The following ACOD1 variants were observed in gnomAD, a reference collection of about 807,000 sequenced individuals.
ACOD1 encodes cis-aconitate decarboxylase.
A neutral mutation model predicts 14.2 loss-of-function variants in ACOD1; 14 were observed. The observed-to-expected ratio is 0.99, with a 90% CI of 0.65 to 1.54. The LOEUF is 1.54. ACOD1 is among the 40% of genes most tolerant of loss of function. The pLI, the probability that ACOD1 is intolerant of heterozygous loss-of-function variation, is 0.00. For missense variants in ACOD1, 530 were observed against 586.3 expected, an observed-to-expected ratio of 0.90 and a Z score of 0.99; for synonymous variants, 182 against 221.7, an observed-to-expected ratio of 0.82 and a Z score of 1.59.
Position 76,957,768 on chromosome 13 carries a change from G to T in ACOD1, c.1229G>T (p.Arg410Ile). The T allele has an allele frequency of 6.4e-7, 1 of 1,550,762 alleles. No individual in the cohort carries two copies. The highest frequency in any genetic ancestry group is 8.7e-7 in the Non-Finnish European group (1 of 1,147,030). The change falls in exon 5 of 5, where the codon AGA becomes ATA. Residue 410 changes from arginine (R) to isoleucine (I), a missense_variant. Physicochemically the swap from Arg to Ile is moderately conservative, Grantham distance 97 (BLOSUM62 -3). Coordinates refer to ENST00000377462, the MANE Select transcript of ACOD1 (RefSeq NM_001258406.2). ...DRSDTFYGHWRKPLSQEDLEE... is the reference protein window; with the variant it reads ...DRSDTFYGHWIKPLSQEDLEE... Reference sequence around the variant, plus strand: ...TCTGATACCTTCTATGGGCACTGGAGAAAACCACTGAGCCAGGAGGACCTA... The same window carrying T: ...TCTGATACCTTCTATGGGCACTGGATAAAACCACTGAGCCAGGAGGACCTA...
chr13:76,951,493 C>T (rs1235378918), intron 1 of ACOD1, among the ~76,000 whole-genome samples: 1 of 152,212 alleles, frequency 6.6e-6, no homozygotes, highest in Non-Finnish European at 1.5e-5. Flanking sequence ...GCCTTGGTCT[C>T]CCAAAGTGCT....
At chr13:76,949,825 C>A (rs1034632164) in intron 1 of ACOD1, among the ~76,000 whole-genome samples, 1 of 152,104 alleles carries the variant, frequency 6.6e-6, no homozygotes, top group Non-Finnish European at 1.5e-5. Flanking sequence ...CCCTTTCTTC[C>A]TCTCTCTTTC....
intron 4 of ACOD1, among the ~76,000 whole-genome samples, chr13:76,956,323 T>C (rs2033874929): frequency 6.6e-6 from 1 of 152,104 alleles, no homozygotes; most frequent in Non-Finnish European, 1.5e-5. Context: ...TGCCTCAGCC[T>C]CCCAAGTAGC....
chr13:76,958,030 G>T lies in ACOD1; in HGVS notation c.*45G>T. ...GACTTTGCATTTGGGGAGATTCAAT[G>T]ATTTGGTTTGTAAAGCAAGGGTCTG... On this transcript the variant is annotated 3_prime_UTR_variant, in exon 5 of 5. Coordinates refer to ENST00000377462, the MANE Select transcript of ACOD1 (RefSeq NM_001258406.2). The T allele has an allele frequency of 6.9e-7, 1 of 1,452,400 alleles. No homozygotes were observed. The highest frequency in any genetic ancestry group is 9.0e-7 in the Non-Finnish European group (1 of 1,105,376). The allele number at this position is 1,452,400 out of a possible 1,614,324, so 90.0% of individuals were successfully genotyped here.
At position 76,957,575 on chromosome 13, in the gene ACOD1, G is replaced by T; in HGVS notation, c.1036G>T (p.Gly346Cys). The stretch of plus-strand genomic sequence containing the variant: ...GGCCTGTGCCATGCTGCTTGATGGT[G>T]GCATCACTGTCCCCTCATTCCATGA... ...YVACAMLLDG[G>C]ITVPSFHECQ... Residue 346 changes from glycine to cysteine, a missense_variant, in exon 5 of 5, where the codon GGC becomes TGC. By Grantham distance (159) the Gly-to-Cys change is radical. Transcript: ENST00000377462. 6.4e-7 allele frequency: 1 copy of T among 1,550,612 alleles called. No individual in the cohort carries two copies. The highest frequency in any genetic ancestry group is 1.2e-5 in the South Asian group (1 of 84,066).
At position 76,955,345 on chromosome 13, in the gene ACOD1, G is replaced by A. The variant is rs760444619; in HGVS notation, c.291G>A (p.Thr97=). The A allele has an allele frequency of 1.8e-5, 28 of 1,550,338 alleles. 1 individual carries two copies. In the South Asian group the frequency reaches 2.9e-4, roughly 16 times the overall value. ...VAIHSMDFDD[T]WHPATHPSGA... The stretch of plus-strand genomic sequence containing the variant: ...TTCACTCCATGGATTTTGATGACAC[G>A]TGGCACCCTGCCACCCACCCTTCTG... The change falls in exon 4 of 5, where the codon ACG becomes ACA. Residue 97 remains threonine, a synonymous_variant. Transcript: ENST00000377462.
At position 76,957,495 on chromosome 13, in the gene ACOD1, T is replaced by C. The variant is rs1409742518; in HGVS notation, c.956T>C (p.Val319Ala). 1.3e-6 allele frequency: 2 copies of C among 1,550,636 alleles called. No individual in the cohort carries two copies. The highest frequency in any genetic ancestry group is 2.4e-5 in the East Asian group (1 of 40,922). Residue 319 changes from valine (V) to alanine (A), a missense_variant, in exon 5 of 5, where the codon GTA (valine) becomes GCA (alanine). Transcript: ENST00000377462. ...IVLRIPNVQY[V>A]NRPFPVSEHE... ...CTCAGGATACCAAATGTCCAGTATG[T>C]AAACAGGCCCTTTCCAGTTTCGGAG...
At chr13:76,956,913 A>G (rs2033882117) in intron 4 of ACOD1, 97 bp from the exon 5 acceptor site, 3 of 1,280,100 alleles carry the variant, frequency 2.3e-6, no homozygotes, top group Non-Finnish European at 3.2e-6. Flanking sequence ...GAACCCAGAC[A>G]GTGTGACTCC....
chr13:76,952,401 A>G, intron 1 of ACOD1, 88 bp from the exon 2 acceptor site: 3 of 1,154,980 alleles, frequency 2.6e-6, no homozygotes, highest in Non-Finnish European at 2.4e-6. Context: ...AAAACTCTTT[A>G]TGCAAAAGTG....
At chr13:76,955,590 G>A (rs112882854) in intron 4 of ACOD1, 66 bp downstream of exon 4, 43 of 1,410,418 alleles carry the variant, frequency 3.0e-5, no homozygotes, top group African/African-American at 2.0e-4. Flanking sequence ...CATTATCTCC[G>A]TAGAGCTTTC....
chr13:76,949,250 A>G (rs1406266803), intron 1 of ACOD1, among the ~76,000 whole-genome samples: 1 of 151,916 alleles, frequency 6.6e-6, no homozygotes, highest in African/African-American at 2.4e-5. Context: ...CTAGCGACAG[A>G]GCGAGACTCC....
intron 3 of ACOD1, among the ~76,000 whole-genome samples, chr13:76,954,878 T>C (rs1168195350): frequency 2.6e-5 from 4 of 152,078 alleles, no homozygotes; most frequent in African/African-American, 9.6e-5. Flanking sequence ...CCTGTAATCC[T>C]AGCACTTTGG....
intron 4 of ACOD1, among the ~76,000 whole-genome samples, chr13:76,956,255 G>A (rs1007321960): frequency 3.9e-5 from 6 of 152,234 alleles, no homozygotes; most frequent in African/African-American, 1.4e-4. Flanking sequence ...AGGCTGGAGT[G>A]CAGTGGTGTA....
chr13:76,949,966 C>T (rs9573956), intron 1 of ACOD1, among the ~76,000 whole-genome samples: 10,066 of 152,228 alleles, frequency 0.066, 476 homozygotes, highest in Admixed American at 0.14. Context: ...CTCCTGCTTT[C>T]GCCCACCCCA....
At chr13:76,956,197 T>C (rs1215186911) in intron 4 of ACOD1, among the ~76,000 whole-genome samples, 2 of 152,212 alleles carry the variant, frequency 1.3e-5, no homozygotes, top group East Asian at 3.8e-4. Context: ...ATGTTATTAT[T>C]ATCACCATTT....
intron 3 of ACOD1, among the ~76,000 whole-genome samples, chr13:76,955,035 G>A (rs1566206504): frequency 1.3e-5 from 2 of 149,786 alleles, no homozygotes; most frequent in Non-Finnish European, 2.9e-5. Flanking sequence ...GCTGAGGCAG[G>A]AGAATTGCTT....
Sources: allele counts gnomAD v4.1 joint callset (sites outside exome capture counted in the v4.1 genomes callset), GRCh38; gene constraint gnomAD v4.1.1; transcripts MANE v1.5; gene names NCBI Gene and HGNC (gene_info 2026-07-23, HGNC 2026-07-21).